Variants in KIF18A observed in about 807,000 individuals in gnomAD.
KIF18A encodes the protein kinesin family member 18A.
Under a neutral mutation model 103.3 loss-of-function variants are expected in KIF18A, and 67 were observed. The ratio of observed to expected loss-of-function variants is 0.65; its 90% CI spans 0.53 to 0.79. KIF18A has a LOEUF of 0.79. Among genes scored for constraint, KIF18A ranks in the 30% least tolerant of loss-of-function variants. The pLI is 0.00. For synonymous variants in KIF18A, 367 were observed against 355.5 expected, an observed-to-expected ratio of 1.03 and a Z score of -0.36; for missense variants, 1,032 against 1,062.5, an observed-to-expected ratio of 0.97 and a Z score of 0.40.
chr11:28,030,211 C>T lies in KIF18A; in HGVS notation c.2504+5176G>A, dbSNP rs1850376651. 2.0e-5 allele frequency among the ~76,000 whole-genome samples: 3 copies of T among 147,648 alleles called. No homozygotes were observed. In the South Asian group the frequency reaches 6.6e-4, roughly 32 times the overall value. ...AGTTCATATGGAACCAGAAAACAGC[C>T]CGCATTGCCAAGACAATCCTAAGGC... On this transcript the variant is annotated intron_variant, in intron 15 of 16. Transcript: ENST00000263181.
rs1213333258 is a variant in KIF18A, at chr11:28,084,818, CA to C, written c.898-11del. 6.3e-7 allele frequency: 1 copy of C among 1,598,564 alleles called. No homozygotes were observed. The highest frequency in any genetic ancestry group is 1.1e-5 in the South Asian group (1 of 89,410). On this transcript the variant is annotated splice_polypyrimidine_tract_variant and intron_variant, in intron 6 of 16. Transcript: ENST00000263181. ...TATGCTGATTCTTTCTCTGAAAGCA[CA>C]AAAAAGAGATCTTATGTCATTTTCC...
chr11:28,046,870 G>A (rs1850642461), intron 13 of KIF18A, among the ~76,000 whole-genome samples: 1 of 150,888 alleles, frequency 6.6e-6, no homozygotes, highest in Non-Finnish European at 1.5e-5. Context: ...TGGTAAATGT[G>A]GTGAAACCCC....
chr11:28,042,580 A>G (rs566711443), intron 13 of KIF18A, among the ~76,000 whole-genome samples: 55 of 151,974 alleles, frequency 3.6e-4, no homozygotes, highest in Non-Finnish European at 6.2e-4. Flanking sequence ...TGATAAAAGA[A>G]TATACATATT....
At chr11:28,100,887 C>T (rs1223513574) in intron 1 of KIF18A, among the ~76,000 whole-genome samples, 1 of 152,104 alleles carries the variant, frequency 6.6e-6, no homozygotes, top group Non-Finnish European at 1.5e-5. Context: ...CTACACCTCA[C>T]TTTTATGACC....
At chr11:28,097,567 C>T (rs200592491) in intron 2 of KIF18A, 56 bp downstream of exon 2, 11 of 1,117,898 alleles carry the variant, frequency 9.8e-6, no homozygotes, top group Non-Finnish European at 1.5e-5. Flanking sequence ...AGATGTCCGT[C>T]CTAATGCAAA....
chr11:28,052,186 G>A lies in KIF18A; in HGVS notation c.1948+6740C>T, dbSNP rs537207059. Among the ~76,000 whole-genome samples, 4 of 152,096 alleles carry A rather than the reference G, an allele frequency of 2.6e-5. No individual in the cohort carries two copies. In the South Asian group the frequency reaches 8.3e-4, roughly 32 times the overall value. ...TATTCTAGTGCCTCCTCATGTTTCA[G>A]CCCTTGCCATAGTATAATCTATTCT... On this transcript the variant is annotated intron_variant, in intron 13 of 16. Transcript: ENST00000263181.
At chr11:28,028,633 G>C (rs1850352757) in intron 15 of KIF18A, among the ~76,000 whole-genome samples, 1 of 151,980 alleles carries the variant, frequency 6.6e-6, no homozygotes, top group Admixed American at 6.6e-5. Flanking sequence ...AGAAGCAAGA[G>C]CAAACACATT....
chr11:28,037,651 T>C (rs1161238225), intron 13 of KIF18A, among the ~76,000 whole-genome samples: 2 of 151,556 alleles, frequency 1.3e-5, no homozygotes, highest in African/African-American at 2.4e-5. Flanking sequence ...GTATCATACA[T>C]AACTCATAGG....
At chr11:28,041,523 G>A (rs1028807742) in intron 13 of KIF18A, among the ~76,000 whole-genome samples, 1 of 151,592 alleles carries the variant, frequency 6.6e-6, no homozygotes, top group African/African-American at 2.4e-5. Flanking sequence ...GATCAAAAGG[G>A]GCAACTTATG....
At chr11:28,055,505 G>T (rs990073068) in intron 13 of KIF18A, among the ~76,000 whole-genome samples, 1 of 152,154 alleles carries the variant, frequency 6.6e-6, no homozygotes, top group African/African-American at 2.4e-5. Flanking sequence ...AGCTTTGGGG[G>T]AATAGGGTGC....
Position 28,097,715 on chromosome 11 carries a change from G to A in KIF18A, c.233C>T (p.Ala78Val). Residue 78 changes from alanine (A) to valine (V), a missense_variant, in exon 2 of 17, where the codon GCT becomes GTT. Physicochemically the swap from Ala to Val is moderately conservative, Grantham distance 64 (BLOSUM62 0). Coordinates refer to ENST00000263181, the MANE Select transcript of KIF18A (RefSeq NM_031217.4). ...CTGAGTTGACGTTTCATCAAAAACA[G>A]CATCAAATACAAATTTAAGATCCTT... ...QNKDLKFVFD[A>V]VFDETSTQSE... 6.2e-7 allele frequency: 1 copy of A among 1,609,918 alleles called. No homozygotes were observed. The highest frequency in any genetic ancestry group is 1.1e-5 in the South Asian group (1 of 90,926).
intron 2 of KIF18A, among the ~76,000 whole-genome samples, chr11:28,096,137 GCGCACTCCAGC>G (rs1440702077): frequency 9.0e-6 from 1 of 111,184 alleles, no homozygotes; most frequent in East Asian, 2.7e-4. Context: ...GATTGCACCA[GCGCACTCCAGC>G]CTGGGCAACA....
chr11:28,048,452 C>T (rs549050572), intron 13 of KIF18A, among the ~76,000 whole-genome samples: 1 of 152,016 alleles, frequency 6.6e-6, no homozygotes, highest in African/African-American at 2.4e-5. Context: ...CAAAATGTGT[C>T]TACAGCAAGT....
intron 4 of KIF18A, among the ~76,000 whole-genome samples, chr11:28,091,156 A>G (rs1174304524): frequency 6.6e-6 from 1 of 151,818 alleles, no homozygotes; most frequent in Non-Finnish European, 1.5e-5. Flanking sequence ...ATAAATACAT[A>G]CATACATACA....
chr11:28,103,576 G>A (rs1356197203), intron 1 of KIF18A, among the ~76,000 whole-genome samples: 1 of 151,968 alleles, frequency 6.6e-6, no homozygotes, highest in African/African-American at 2.4e-5. Flanking sequence ...GGGTACAAGA[G>A]AATAAGAAAT....
At chr11:28,023,577 A>C (rs1850273001) in intron 16 of KIF18A, among the ~76,000 whole-genome samples, 164 bp downstream of exon 16, 1 of 152,166 alleles carries the variant, frequency 6.6e-6, no homozygotes. Flanking sequence ...TTGTGTTTTA[A>C]AGTTTCCTTA....
In KIF18A at chr11:28,036,228, G is replaced by A; in HGVS notation, c.2385C>T (p.Asp795=). The A allele has an allele frequency of 6.3e-7, 1 of 1,579,050 alleles. No individual in the cohort carries two copies. Among genetic ancestry groups the A allele is most frequent in the Non-Finnish European group, 8.6e-7 (1 of 1,161,974 alleles). ...EQESLPNDNK[D]ILQRLDPSSF... is the part of the protein sequence containing the mutation. ...TTATTTTTTTGTACCGTTGTAAAAT[G>A]TCTTTGTTATCATTTGGTAGTGATT... The change falls in exon 14 of 17, where the codon GAC becomes GAT. Residue 795 remains aspartate (D), a synonymous_variant. Coordinates refer to ENST00000263181, the MANE Select transcript of KIF18A (RefSeq NM_031217.4).
chr11:28,090,742 G>A lies in KIF18A; in HGVS notation c.589-15C>T. 4 of 1,313,832 alleles carry A rather than the reference G, an allele frequency of 3.0e-6. No homozygotes were observed. Among genetic ancestry groups the A allele is most frequent in the Non-Finnish European group, 4.4e-6 (4 of 918,018 alleles). The allele number at this position is 1,313,832 out of a possible 1,614,324, so 81.4% of individuals were successfully genotyped here. On this transcript the variant is annotated splice_polypyrimidine_tract_variant and intron_variant, in intron 4 of 16. Transcript: ENST00000263181. ...GAGGATTTGGGCTGGAGAAGTTTAAGTAGAAGCAAAATTTAAAAATCAGCA... is the reference window on the plus strand; with the variant it reads ...GAGGATTTGGGCTGGAGAAGTTTAAATAGAAGCAAAATTTAAAAATCAGCA...
chr11:28,057,383 C>T lies in KIF18A; in HGVS notation c.1948+1543G>A, dbSNP rs750400738. ...GCAAAAAATTAGCCAGGCATGATGG[C>T]GGGCACCTGTAGTCCCAGCTTCTTT... On this transcript the variant is annotated intron_variant, in intron 13 of 16. Transcript: ENST00000263181. Among the ~76,000 whole-genome samples, 46 of 151,996 alleles carry T rather than the reference C, an allele frequency of 3.0e-4. 1 individual carries two copies. Among genetic ancestry groups the T allele is most frequent in the Non-Finnish European group, 4.4e-5 (3 of 67,982 alleles).
Sources: allele counts gnomAD v4.1 joint callset (sites outside exome capture counted in the v4.1 genomes callset), GRCh38; gene constraint gnomAD v4.1.1; transcripts MANE v1.5; gene names NCBI Gene and HGNC (gene_info 2026-07-23, HGNC 2026-07-21).